RBFOX1: variants seen among roughly 807,000 people sequenced by gnomAD.
The protein encoded by RBFOX1 is RNA binding fox-1 homolog 1, also known as RNA binding protein fox-1 homolog 1.
In RBFOX1, 8 loss-of-function variants were observed where a neutral mutation model predicts 57.7. The observed-to-expected ratio is 0.14, with a 90% CI of 0.08 to 0.25. The LOEUF (loss-of-function observed/expected upper bound fraction) is 0.25. RBFOX1 is among the 10% of genes least tolerant of loss of function. The pLI is 1.00. For missense variants in RBFOX1, 611 were observed against 548.5 expected (o/e 1.11, Z -1.14); for synonymous variants, 326 against 222.4 (o/e 1.47, Z -4.15).
At chr16:6,858,925 T>C (rs2058389365) in intron 3 of RBFOX1, among the ~76,000 whole-genome samples, 1 of 151,602 alleles carries the variant, frequency 6.6e-6, no homozygotes, top group Admixed American at 6.6e-5. Flanking sequence ...TCTGCATTTC[T>C]AAAGGAAGAT....
intron 2 of RBFOX1, among the ~76,000 whole-genome samples, chr16:6,450,970 A>T (rs974359254): frequency 6.8e-6 from 1 of 146,140 alleles, no homozygotes; most frequent in Non-Finnish European, 1.5e-5. Flanking sequence ...CAATGAGAAA[A>T]ATGGGCCCAG....
intron 2 of RBFOX1, among the ~76,000 whole-genome samples, chr16:5,583,024 A>G (rs1290714100): frequency 1.3e-5 from 2 of 152,196 alleles, no homozygotes; most frequent in African/African-American, 2.4e-5. Flanking sequence ...TTTAACAGAT[A>G]AGGAAACTAA....
chr16:6,627,275 A>T (rs8044775), intron 2 of RBFOX1, among the ~76,000 whole-genome samples: 2,367 of 152,282 alleles, frequency 0.016, 50 homozygotes, highest in African/African-American at 0.054. Context: ...CGGGGCCCTG[A>T]AACGTCCCTA....
At chr16:7,531,599 A>G (rs533733232) in intron 5 of RBFOX1, among the ~76,000 whole-genome samples, 14 of 152,274 alleles carry the variant, frequency 9.2e-5, no homozygotes, top group Middle Eastern at 3.4e-3. Flanking sequence ...GCCATGCACT[A>G]TGTTGTGTAT....
chr16:6,870,401 T>G (rs572924382), intron 3 of RBFOX1, among the ~76,000 whole-genome samples: 1 of 152,222 alleles, frequency 6.6e-6, no homozygotes, highest in East Asian at 1.9e-4. Flanking sequence ...TTGGATTGTT[T>G]CAGCAAGTCT....
chr16:7,041,824 T>A (rs537666745), intron 3 of RBFOX1, among the ~76,000 whole-genome samples: 2 of 152,340 alleles, frequency 1.3e-5, no homozygotes, highest in South Asian at 4.1e-4. Flanking sequence ...TTGCTGGTAT[T>A]TGCTGAATTT....
chr16:6,557,672 C>G lies in RBFOX1; in HGVS notation c.-63-96931C>G, dbSNP rs568202907. ...ATGAAATGGAGAAGGGGAAAATGCT[C>G]CTTTCGACCAAGTATCTCATTGCAA... On this transcript the variant is annotated intron_variant, in intron 2 of 15. Transcript: ENST00000550418. Among the ~76,000 whole-genome samples, 24 of 152,258 alleles carry G rather than the reference C, an allele frequency of 1.6e-4. No individual in the cohort carries two copies. The South Asian group carries it at 4.8e-3, about 30-fold the overall frequency.
chr16:6,599,178 T>A lies in RBFOX1; in HGVS notation c.-63-55425T>A, dbSNP rs2097816422. On this transcript the variant is annotated intron_variant, in intron 2 of 15. Coordinates refer to ENST00000550418, the MANE Select transcript of RBFOX1 (RefSeq NM_018723.4). ...AAATTTTTCTCTTCTAACCCACATGTTTCTACTGTTCTCATCCAAAGACGT... is the reference window on the plus strand; with the variant it reads ...AAATTTTTCTCTTCTAACCCACATGATTCTACTGTTCTCATCCAAAGACGT... Among the ~76,000 whole-genome samples the A allele has an allele frequency of 1.3e-5, 2 of 152,158 alleles. 1 individual carries two copies. Among genetic ancestry groups the A allele is most frequent in the South Asian group, 4.1e-4 (2 of 4,834 alleles).
chr16:6,775,247 G>A (rs1204473951), intron 3 of RBFOX1, among the ~76,000 whole-genome samples: 6 of 149,148 alleles, frequency 4.0e-5, no homozygotes, highest in Non-Finnish European at 5.9e-5. Context: ...GGAGAAAGGC[G>A]TGAAACCGGG....
intron 3 of RBFOX1, among the ~76,000 whole-genome samples, chr16:5,785,499 A>G (rs1040099783): frequency 2.6e-5 from 4 of 151,362 alleles, no homozygotes; most frequent in Admixed American, 2.6e-4. Flanking sequence ...GGTGTCTTCA[A>G]TTTCTTTTCT....
At chr16:6,147,470 C>T (rs772658638) in intron 1 of RBFOX1, among the ~76,000 whole-genome samples, 5 of 152,152 alleles carry the variant, frequency 3.3e-5, no homozygotes, top group Admixed American at 6.5e-5. Flanking sequence ...CTAATTCACT[C>T]ATGGGTCAAA....
chr16:6,785,217 G>C (rs1386880996), intron 3 of RBFOX1, among the ~76,000 whole-genome samples: 2 of 152,096 alleles, frequency 1.3e-5, no homozygotes, highest in African/African-American at 4.8e-5. Flanking sequence ...GAGAGAATTT[G>C]AGGGAATCTC....
At chr16:6,680,962 T>A (rs978949251) in intron 3 of RBFOX1, among the ~76,000 whole-genome samples, 1 of 152,236 alleles carries the variant, frequency 6.6e-6, no homozygotes, top group African/African-American at 2.4e-5. Context: ...CCTGAGTAAC[T>A]TTTAACATAG....
chr16:6,210,664 A>G (rs1428693801), intron 1 of RBFOX1, among the ~76,000 whole-genome samples: 2 of 152,076 alleles, frequency 1.3e-5, no homozygotes, highest in Non-Finnish European at 2.9e-5. Flanking sequence ...TTGAGGCTGC[A>G]TTGAGCTGTG....
At chr16:6,954,595 C>A (rs763192136) in intron 3 of RBFOX1, among the ~76,000 whole-genome samples, 3 of 152,094 alleles carry the variant, frequency 2.0e-5, no homozygotes, top group African/African-American at 4.8e-5. Flanking sequence ...CCTATATCCT[C>A]CTCATTATGT....
intron 4 of RBFOX1, among the ~76,000 whole-genome samples, chr16:7,509,541 A>T (rs2074421936): frequency 6.6e-6 from 1 of 152,166 alleles, no homozygotes; most frequent in East Asian, 1.9e-4. Context: ...AGCAAAAACT[A>T]GTGCTTGGAG....
Position 6,355,438 on chromosome 16 carries a change from C to T in RBFOX1, c.-64+38381C>T, listed in dbSNP as rs537501305. ...CTGAGAATGGTGGTTTCCAGCTTCA[C>T]GCATGTCCCTGCAAAGGACATGAAC... On this transcript the variant is annotated intron_variant, in intron 2 of 15. Coordinates refer to ENST00000550418, the MANE Select transcript of RBFOX1 (RefSeq NM_018723.4). Among the ~76,000 whole-genome samples, 18 of 152,214 alleles carry T rather than the reference C, an allele frequency of 1.2e-4. No individual in the cohort carries two copies. In the East Asian group the frequency reaches 2.3e-3, roughly 20 times the overall value.
At chr16:5,868,944 C>T (rs142730950) in intron 4 of RBFOX1, among the ~76,000 whole-genome samples, 30 of 152,226 alleles carry the variant, frequency 2.0e-4, no homozygotes, top group African/African-American at 6.7e-4. Context: ...TTTATAATTG[C>T]ACTGCACGCA....
rs527655193 is a variant in RBFOX1 at position 7,165,492 on chromosome 16, T to C, written c.27+113394T>C. On this transcript the variant is annotated intron_variant, in intron 4 of 15. Transcript: ENST00000550418. ...TTCCCCAGGCTGGAGTGCAATGGCA[T>C]GATCTCGGCTCACCGCACCCTCCAC... Among the ~76,000 whole-genome samples, 216 of 151,880 alleles carry C rather than the reference T, an allele frequency of 1.4e-3. 2 individuals carry two copies. Among genetic ancestry groups the C allele is most frequent in the African/African-American group, 4.9e-3 (205 of 41,422 alleles).
Sources: allele counts gnomAD v4.1 joint callset (sites outside exome capture counted in the v4.1 genomes callset), GRCh38; gene constraint gnomAD v4.1.1; transcripts MANE v1.5; gene names NCBI Gene and HGNC (gene_info 2026-07-23, HGNC 2026-07-21).